CFAP95: variants seen among roughly 807,000 people sequenced by gnomAD.
CFAP95 encodes the protein cilia- and flagella-associated protein 95.
At chr9:69,840,093 AT>A in the CFAP95 span, among the ~76,000 whole-genome samples, 1 of 150,268 alleles carries the variant, frequency 6.7e-6, no homozygotes, top group Non-Finnish European at 1.5e-5. Context: ...AAAAAAAAAG[AT>A]TGATCATTTT....
chr9:69,837,656 G>A, the CFAP95 span, among the ~76,000 whole-genome samples: 1 of 152,202 alleles, frequency 6.6e-6, no homozygotes, highest in Non-Finnish European at 1.5e-5. Flanking sequence ...AGTAGGTTGT[G>A]AAAATTGTTT....
the CFAP95 span, among the ~76,000 whole-genome samples, chr9:69,890,153 AAAG>A: frequency 1.1e-3 from 162 of 152,332 alleles, no homozygotes; most frequent in African/African-American, 3.6e-3. Context: ...TCTTTAAATA[AAAG>A]AAATCTAATT....
At chr9:69,840,843 G>A in the CFAP95 span, among the ~76,000 whole-genome samples, 2 of 152,070 alleles carry the variant, frequency 1.3e-5, no homozygotes, top group Non-Finnish European at 1.5e-5. Flanking sequence ...CAGCATCCAT[G>A]GGCAGCCGGC....
chr9:69,851,201 A>G, the CFAP95 span, among the ~76,000 whole-genome samples: 1 of 152,164 alleles, frequency 6.6e-6, no homozygotes, highest in African/African-American at 2.4e-5. Flanking sequence ...ATGTGCATGT[A>G]TATACACACA....
the CFAP95 span, among the ~76,000 whole-genome samples, chr9:69,837,340 C>A: frequency 2.0e-5 from 3 of 151,920 alleles, no homozygotes; most frequent in African/African-American, 7.2e-5. Context: ...AGTTTACAGT[C>A]CCACCAACAG....
At chr9:69,902,115 G>A in the CFAP95 span, 12 of 264,498 alleles carry the variant, frequency 4.5e-5, no homozygotes, top group Non-Finnish European at 7.5e-5. Context: ...ATTCTCATTC[G>A]TCTAGTGTAA....
At chr9:69,905,877 GA>G in the CFAP95 span, 1 of 1,100,468 alleles carries the variant, frequency 9.1e-7, no homozygotes, top group South Asian at 2.8e-5. Flanking sequence ...AATAATATAT[GA>G]AAAATAAACT....
At chr9:69,902,597 A>G in the CFAP95 span, among the ~76,000 whole-genome samples, 1 of 152,166 alleles carries the variant, frequency 6.6e-6, no homozygotes, top group Non-Finnish European at 1.5e-5. Context: ...TTTCTTGTCC[A>G]GGATTCCCAC....
chr9:69,886,083 A>G, the CFAP95 span, among the ~76,000 whole-genome samples: 161 of 152,324 alleles, frequency 1.1e-3, no homozygotes, highest in African/African-American at 3.6e-3. Context: ...AGTTCAGGAC[A>G]TGAATCCTCC....
At chr9:69,895,335 G>GTCTCTCTCTCTCTC in the CFAP95 span, among the ~76,000 whole-genome samples, 4 of 121,268 alleles carry the variant, frequency 3.3e-5, no homozygotes, top group South Asian at 6.4e-4. Flanking sequence ...CTTAAAATCA[G>GTCTCTCTCTCTCTC]TCTCTCTCTC....
At chr9:69,900,241 G>GA in the CFAP95 span, among the ~76,000 whole-genome samples, 46 of 151,930 alleles carry the variant, frequency 3.0e-4, 2 homozygotes, top group East Asian at 8.0e-3. Context: ...TTTCTCCCCT[G>GA]AAAAAAGTAT....
chr9:69,856,128 T>C, the CFAP95 span, among the ~76,000 whole-genome samples: 1 of 152,230 alleles, frequency 6.6e-6, no homozygotes, highest in African/African-American at 2.4e-5. Context: ...TGCTTAGTAA[T>C]TAATTGAATT....
At chr9:69,877,017 G>A in the CFAP95 span, among the ~76,000 whole-genome samples, 1 of 152,280 alleles carries the variant, frequency 6.6e-6, no homozygotes, top group African/African-American at 2.4e-5. Flanking sequence ...TTGATCAACA[G>A]AAGTTTTAAT....
the CFAP95 span, among the ~76,000 whole-genome samples, chr9:69,830,335 C>T: frequency 0.17 from 25,479 of 152,026 alleles, 2,656 homozygotes; most frequent in Admixed American, 0.24. Context: ...ACAAGGAGGA[C>T]GCATCCAGGA....
the CFAP95 span, among the ~76,000 whole-genome samples, chr9:69,861,716 A>G: frequency 7.7e-6 from 1 of 129,234 alleles, no homozygotes; most frequent in African/African-American, 3.1e-5. Context: ...CCTGTTCTCC[A>G]TATTCTTATG....
the CFAP95 span, among the ~76,000 whole-genome samples, chr9:69,833,545 G>A: frequency 2.0e-5 from 3 of 152,134 alleles, no homozygotes; most frequent in African/African-American, 4.8e-5. Flanking sequence ...CATTGTTTCC[G>A]GTGAAAGAGT....
At chr9:69,896,347 C>T in the CFAP95 span, among the ~76,000 whole-genome samples, 2 of 152,122 alleles carry the variant, frequency 1.3e-5, no homozygotes, top group East Asian at 3.9e-4. Flanking sequence ...CTGGCCATAA[C>T]AAAAATTTGT....
chr9:69,874,321 G>C, the CFAP95 span, among the ~76,000 whole-genome samples: 1 of 152,144 alleles, frequency 6.6e-6, no homozygotes, highest in Non-Finnish European at 1.5e-5. Context: ...TTCTCTCTCT[G>C]TGAAAAACCA....
At chr9:69,851,165 A>G in the CFAP95 span, among the ~76,000 whole-genome samples, 6 of 152,180 alleles carry the variant, frequency 3.9e-5, no homozygotes, top group Admixed American at 3.9e-4. Flanking sequence ...GTTATGTTGA[A>G]CAAACGAGAC....
Sources: allele counts gnomAD v4.1 joint callset (sites outside exome capture counted in the v4.1 genomes callset), GRCh38; gene constraint gnomAD v4.1.1; transcripts MANE v1.5; gene names NCBI Gene and HGNC (gene_info 2026-07-23, HGNC 2026-07-21).